FBXL13: variants seen among roughly 807,000 people sequenced by gnomAD.
The protein encoded by FBXL13 is F-box and leucine rich repeat protein 13.
Under a neutral mutation model 83.6 loss-of-function variants are expected in FBXL13, and 67 were observed. That is an observed-to-expected ratio of 0.80 (90% CI 0.66 to 0.98). The LOEUF is 0.98. Among genes scored for constraint, FBXL13 ranks in the 50% least tolerant of loss-of-function variants. The probability of loss-of-function intolerance (pLI) is 0.00; values close to 1 mark genes in which losing one functional copy is unlikely to be tolerated. For missense variants in FBXL13, 822 were observed against 866.5 expected (o/e 0.95, Z 0.64); for synonymous variants, 272 against 299.5 (o/e 0.91, Z 0.95).
rs530317813 is a variant in FBXL13, at chr7:102,983,270, G to A, written c.496-15153C>T. On this transcript the variant is annotated intron_variant, in intron 6 of 19. Coordinates refer to ENST00000313221, the Ensembl canonical transcript of FBXL13. Reference sequence around the variant, plus strand: ...GAGAAGCCACTAGCACTGGGAGTGCGGAGGCCACTTCCACTAGCAGTAGGA... The same window carrying A: ...GAGAAGCCACTAGCACTGGGAGTGCAGAGGCCACTTCCACTAGCAGTAGGA... 2.6e-4 allele frequency among the ~76,000 whole-genome samples: 40 copies of A among 152,194 alleles called. No homozygotes were observed. The South Asian group carries it at 5.0e-3, about 19-fold the overall frequency.
intron 6 of FBXL13, among the ~76,000 whole-genome samples, chr7:102,997,403 A>G (rs1789923588): frequency 6.6e-6 from 1 of 152,140 alleles, no homozygotes; most frequent in Non-Finnish European, 1.5e-5. Flanking sequence ...CACCTCCAAC[A>G]TTTATCTTTT....
intron 19 of FBXL13, among the ~76,000 whole-genome samples, chr7:102,820,698 C>A (rs1798683521): frequency 6.6e-6 from 1 of 152,122 alleles, no homozygotes; most frequent in East Asian, 1.9e-4. Context: ...GCTGGGAAGT[C>A]CAATATCATC....
At chr7:102,901,030 T>C (rs1812902717) in intron 11 of FBXL13, among the ~76,000 whole-genome samples, 1 of 152,234 alleles carries the variant, frequency 6.6e-6, no homozygotes, top group South Asian at 2.1e-4. Flanking sequence ...GTGTGAATGC[T>C]TGTGCTGACC....
At chr7:102,891,049 G>A (rs1811476732) in intron 11 of FBXL13, among the ~76,000 whole-genome samples, 1 of 152,136 alleles carries the variant, frequency 6.6e-6, no homozygotes, top group African/African-American at 2.4e-5. Context: ...AAACTATTAT[G>A]GAACATTGTT....
chr7:102,953,408 AG>A (rs1823729182), intron 8 of FBXL13, among the ~76,000 whole-genome samples: 2 of 152,148 alleles, frequency 1.3e-5, no homozygotes, highest in African/African-American at 2.4e-5. Context: ...AGAAGGAAAG[AG>A]GGGAAAACCA....
intron 6 of FBXL13, among the ~76,000 whole-genome samples, chr7:103,021,952 C>G (rs7806654): frequency 0.011 from 1,675 of 152,226 alleles, 35 homozygotes; most frequent in African/African-American, 0.039. Context: ...ACTAGAATTA[C>G]CATTTGACCC....
intron 6 of FBXL13, among the ~76,000 whole-genome samples, chr7:103,017,360 C>A: frequency 6.6e-6 from 1 of 151,910 alleles, no homozygotes; most frequent in Admixed American, 6.6e-5. Context: ...GCAGATAAAA[C>A]CACAAAGACG....
At chr7:102,838,642 A>G (rs955766601) in intron 17 of FBXL13, among the ~76,000 whole-genome samples, 10 of 152,018 alleles carry the variant, frequency 6.6e-5, no homozygotes, top group African/African-American at 2.4e-4. Flanking sequence ...TTTAGCCCCA[A>G]CCTTGAGCTC....
At chr7:102,962,058 A>C (rs1359645026) in intron 8 of FBXL13, among the ~76,000 whole-genome samples, 2 of 151,028 alleles carry the variant, frequency 1.3e-5, no homozygotes, top group Non-Finnish European at 2.9e-5. Flanking sequence ...CAACCTACAA[A>C]ATGGGAGAAA....
chr7:102,943,921 C>T (rs1821952204), intron 8 of FBXL13, among the ~76,000 whole-genome samples: 1 of 152,142 alleles, frequency 6.6e-6, no homozygotes, highest in African/African-American at 2.4e-5. Context: ...CCCCACCTTC[C>T]CACCAGAGCT....
chr7:102,912,682 CCCA>C lies in FBXL13; in HGVS notation c.1008+401_1008+403del, dbSNP rs1227384754. 3.3e-3 allele frequency among the ~76,000 whole-genome samples: 440 copies of C among 132,838 alleles called. 2 individuals carry two copies. The highest frequency in any genetic ancestry group is 0.012 in the African/African-American group (435 of 37,178). 87.1% of individuals were successfully genotyped at this position (132,838 alleles called of 152,430 possible). On this transcript the variant is annotated intron_variant, in intron 11 of 19. Coordinates refer to ENST00000313221, the Ensembl canonical transcript of FBXL13. ...ACTTATAGCATTTTACCCCCCCCCC[CCCA>C]AAAAAAAACCCATGTGGGAGTTAAT...
chr7:102,941,678 T>G (rs931516392), intron 8 of FBXL13, among the ~76,000 whole-genome samples: 2 of 152,066 alleles, frequency 1.3e-5, no homozygotes, highest in Non-Finnish European at 2.9e-5. Context: ...TCTAATTTCC[T>G]TCTGCTGTCA....
intron 8 of FBXL13, among the ~76,000 whole-genome samples, chr7:102,963,004 T>C (rs1585152690): frequency 7.9e-6 from 1 of 126,626 alleles, no homozygotes; most frequent in Non-Finnish European, 1.6e-5. Flanking sequence ...TATATATATA[T>C]ATAAAAAAAA....
intron 8 of FBXL13, among the ~76,000 whole-genome samples, chr7:102,943,385 G>A (rs899861940): frequency 8.7e-5 from 13 of 148,830 alleles, no homozygotes; most frequent in Admixed American, 8.1e-4. Context: ...ACTTAAAACT[G>A]AATATTGTAT....
At position 103,051,631 on chromosome 7, in the gene FBXL13, G is replaced by A. The variant is rs371022157; in HGVS notation, c.-1+4013C>T. 5.9e-5 allele frequency among the ~76,000 whole-genome samples: 9 copies of A among 152,182 alleles called. 1 individual carries two copies. In the East Asian group the frequency reaches 7.7e-4, roughly 13 times the overall value. On this transcript the variant is annotated intron_variant, in intron 2 of 19. Coordinates refer to ENST00000313221, the Ensembl canonical transcript of FBXL13. ...ATCTGATAAAAGAAAAACTTTAGCC[G>A]AATTAAATTTAAAGGAGTTTAATTG...
chr7:103,016,456 C>T (rs1792332412), intron 6 of FBXL13, among the ~76,000 whole-genome samples: 1 of 151,954 alleles, frequency 6.6e-6, no homozygotes, highest in Non-Finnish European at 1.5e-5. Context: ...ACCGAGGTAC[C>T]AGGTTCATCT....
At position 102,944,376 on chromosome 7, in the gene FBXL13, A is replaced by T. The variant is rs1249316789; in HGVS notation, c.725-12443T>A. The T allele has an allele frequency of 4.3e-6, 7 of 1,613,998 alleles. No homozygotes were observed. The East Asian group carries it at 1.3e-4, about 31-fold the overall frequency. ...ACATTCACTACCTCTACTACTGGTT[A>T]AAGCACCACTACAATGTCCATTTTA... is the stretch of plus-strand genomic sequence containing the variant. On this transcript the variant is annotated intron_variant, in intron 8 of 19. Transcript: ENST00000313221.
chr7:103,028,176 A>T (rs1481419484), intron 4 of FBXL13, among the ~76,000 whole-genome samples: 1 of 152,234 alleles, frequency 6.6e-6, no homozygotes, highest in Non-Finnish European at 1.5e-5. Context: ...TATAACCCCC[A>T]AGGTCTTAAG....
chr7:102,935,232 T>C (rs1332869572), intron 8 of FBXL13, among the ~76,000 whole-genome samples: 1 of 140,860 alleles, frequency 7.1e-6, no homozygotes, highest in Non-Finnish European at 1.5e-5. Flanking sequence ...GCTCCTTTTT[T>C]TTTTTCTTTC....
Sources: gnomAD v4.1 joint callset for allele counts (sites outside exome capture counted in the v4.1 genomes callset) on GRCh38, gnomAD v4.1.1 for gene constraint, MANE v1.5 for transcripts, NCBI Gene and HGNC (gene_info 2026-07-23, HGNC 2026-07-21) for gene names.